Variants in CNTN5 observed in about 807,000 individuals in gnomAD.
CNTN5 encodes the protein contactin-5.
In CNTN5, 77 loss-of-function variants were observed where a neutral mutation model predicts 129.1. The observed-to-expected ratio is 0.60, with a 90% CI of 0.50 to 0.72. CNTN5 has a LOEUF of 0.72. CNTN5 is among the 30% of genes least tolerant of loss of function. The pLI is 0.00. For missense variants in CNTN5, 1,478 were observed against 1,328.8 expected, an observed-to-expected ratio of 1.11 and a Z score of -1.75; for synonymous variants, 509 against 465.6, an observed-to-expected ratio of 1.09 and a Z score of -1.20.
At chr11:100,099,232 A>C (rs1945131334) in intron 13 of CNTN5, among the ~76,000 whole-genome samples, 1 of 152,074 alleles carries the variant, frequency 6.6e-6, no homozygotes, top group Non-Finnish European at 1.5e-5. Context: ...TTAAAAGCAG[A>C]ACTGGAATAA....
chr11:100,288,838 T>C (rs1950872190), intron 18 of CNTN5, among the ~76,000 whole-genome samples: 2 of 151,462 alleles, frequency 1.3e-5, no homozygotes. Context: ...TTTGAAAGGA[T>C]CAACAAAATT....
At chr11:99,453,287 A>T (rs190209416) in intron 2 of CNTN5, among the ~76,000 whole-genome samples, 4 of 152,274 alleles carry the variant, frequency 2.6e-5, no homozygotes, top group Admixed American at 2.6e-4. Flanking sequence ...TCGTATAACA[A>T]TTGAGGAGAG....
At chr11:100,046,793 A>G (rs575827564) in intron 9 of CNTN5, among the ~76,000 whole-genome samples, 366 of 152,344 alleles carry the variant, frequency 2.4e-3, no homozygotes, top group Non-Finnish European at 4.1e-3. Flanking sequence ...AAAAATGAAT[A>G]AAATATATGG....
chr11:99,854,539 T>C (rs959529790), intron 6 of CNTN5, among the ~76,000 whole-genome samples: 2 of 152,072 alleles, frequency 1.3e-5, no homozygotes, highest in Admixed American at 6.6e-5. Context: ...GGTGGGAGTA[T>C]AAAAACATAT....
intron 1 of CNTN5, among the ~76,000 whole-genome samples, chr11:99,205,184 A>AT (rs58621536): frequency 0.22 from 33,974 of 151,916 alleles, 3,858 homozygotes; most frequent in Middle Eastern, 0.26. Flanking sequence ...AACAAAAAAA[A>AT]CTCCAAGAAA....
chr11:99,629,043 G>T (rs1283208670), intron 3 of CNTN5, among the ~76,000 whole-genome samples: 1 of 151,892 alleles, frequency 6.6e-6, no homozygotes, highest in Non-Finnish European at 1.5e-5. Context: ...ATTATTAACT[G>T]CTCCTGAAAT....
chr11:99,255,789 AACACACACACGCACAC>A (rs1301473635), intron 1 of CNTN5, among the ~76,000 whole-genome samples: 2 of 150,802 alleles, frequency 1.3e-5, no homozygotes, highest in East Asian at 2.0e-4. Context: ...TACATGCATA[AACACACACACGCACAC>A]ACACACACAC....
intron 2 of CNTN5, among the ~76,000 whole-genome samples, chr11:99,349,933 T>C (rs970437204): frequency 3.3e-5 from 5 of 152,210 alleles, no homozygotes; most frequent in South Asian, 2.1e-4. Flanking sequence ...TTTCTTTTCA[T>C]TTTAGACGTG....
In CNTN5 at chr11:99,367,714, CA is replaced by C. The variant is rs779556537; in HGVS notation, c.-71+42231del. ...GAGAAAACTTCAGAGTGTACCTGAT[CA>C]CAAGAGAAAGAGGGAGGTAGGATGG... is the stretch of plus-strand genomic sequence containing the variant. On this transcript the variant is annotated intron_variant, in intron 2 of 24. Transcript: ENST00000524871. Among the ~76,000 whole-genome samples the C allele has an allele frequency of 2.6e-5, 4 of 151,926 alleles. No individual in the cohort carries two copies. In the East Asian group the frequency reaches 5.8e-4, roughly 22 times the overall value.
chr11:100,106,632 G>GA (rs977363588), intron 13 of CNTN5, among the ~76,000 whole-genome samples: 1 of 151,710 alleles, frequency 6.6e-6, no homozygotes, highest in Non-Finnish European at 1.5e-5. Flanking sequence ...TTATATAAAT[G>GA]AAAAAAATAG....
At position 100,266,832 on chromosome 11, in the gene CNTN5, G is replaced by A. The variant is rs1950313495; in HGVS notation, c.2165-4260G>A. On this transcript the variant is annotated intron_variant, in intron 17 of 24. Coordinates refer to ENST00000524871, the MANE Select transcript of CNTN5 (RefSeq NM_014361.4). ...GATTCAAGCAGAATTAATTAATATT[G>A]CCAATTCTGATCACACTAGGCAATT... Among the ~76,000 whole-genome samples, 2 of 151,756 alleles carry A rather than the reference G, an allele frequency of 1.3e-5. 1 individual carries two copies. Among genetic ancestry groups the A allele is most frequent in the South Asian group, 4.2e-4 (2 of 4,812 alleles).
At chr11:100,212,863 T>TA (rs1949061533) in intron 15 of CNTN5, among the ~76,000 whole-genome samples, 1 of 152,140 alleles carries the variant, frequency 6.6e-6, no homozygotes, top group Non-Finnish European at 1.5e-5. Flanking sequence ...CTGCTAGCTC[T>TA]AAAATCATAT....
At chr11:99,771,670 C>G (rs1348047828) in intron 3 of CNTN5, among the ~76,000 whole-genome samples, 14 of 151,856 alleles carry the variant, frequency 9.2e-5, no homozygotes, top group African/African-American at 3.4e-4. Context: ...AGACGTTGGT[C>G]AGAAGTTACA....
intron 4 of CNTN5, among the ~76,000 whole-genome samples, chr11:99,823,785 G>A (rs575909446): frequency 6.6e-6 from 1 of 152,094 alleles, no homozygotes; most frequent in East Asian, 1.9e-4. Context: ...CTTGGATTGT[G>A]TCTCACACTT....
intron 1 of CNTN5, among the ~76,000 whole-genome samples, chr11:99,050,264 T>TA (rs1864373785): frequency 6.6e-6 from 1 of 152,074 alleles, no homozygotes; most frequent in Non-Finnish European, 1.5e-5. Context: ...GAAGAATGTC[T>TA]ATTTTACATA....
intron 18 of CNTN5, among the ~76,000 whole-genome samples, chr11:100,283,961 T>TTAAA (rs997441773): frequency 4.6e-5 from 7 of 151,792 alleles, no homozygotes; most frequent in South Asian, 2.1e-4. Context: ...AATAAAAAAT[T>TTAAA]TAAATAAATA....
intron 1 of CNTN5, among the ~76,000 whole-genome samples, chr11:99,250,099 A>G (rs1296322617): frequency 1.3e-5 from 2 of 151,958 alleles, no homozygotes; most frequent in African/African-American, 4.8e-5. Context: ...TAGGCATCAA[A>G]TCACTATTTT....
At chr11:100,164,615 A>G (rs1947566160) in intron 13 of CNTN5, among the ~76,000 whole-genome samples, 1 of 151,890 alleles carries the variant, frequency 6.6e-6, no homozygotes, top group Non-Finnish European at 1.5e-5. Flanking sequence ...TATACCATAA[A>G]TTATAACACT....
intron 7 of CNTN5, among the ~76,000 whole-genome samples, chr11:99,947,685 T>C (rs1305386609): frequency 6.6e-6 from 1 of 152,170 alleles, no homozygotes; most frequent in African/African-American, 2.4e-5. Context: ...ACATTTAACA[T>C]AGAAAATTTA....
Sources: gnomAD v4.1 joint callset for allele counts (sites outside exome capture counted in the v4.1 genomes callset) on GRCh38, gnomAD v4.1.1 for gene constraint, MANE v1.5 for transcripts, NCBI Gene and HGNC (gene_info 2026-07-23, HGNC 2026-07-21) for gene names.